The following USP15 variants were observed in gnomAD, a reference collection of about 807,000 sequenced individuals.
The protein encoded by USP15 is ubiquitin specific peptidase 15.
Under a neutral mutation model 127.1 loss-of-function variants are expected in USP15, and 18 were observed. The observed-to-expected ratio is 0.14, with a 90% CI of 0.10 to 0.21. The LOEUF (loss-of-function observed/expected upper bound fraction) is 0.21, where lower values mean the gene tolerates loss of function less well. USP15 is among the 10% of genes least tolerant of loss of function. The probability of loss-of-function intolerance (pLI) is 1.00; values close to 1 mark genes in which losing one functional copy is unlikely to be tolerated. For synonymous variants in USP15, 364 were observed against 393.7 expected (o/e 0.92, Z 0.89); for missense variants, 805 against 1,159.9 (o/e 0.69, Z 4.44).
At chr12:62,377,768 A>G (rs1259194182) in intron 8 of USP15, among the ~76,000 whole-genome samples, 1 of 151,004 alleles carries the variant, frequency 6.6e-6, no homozygotes, top group African/African-American at 2.4e-5. Flanking sequence ...TGCCAGAATG[A>G]TGACATTGAA....
At chr12:62,340,977 T>TA (rs1555215211) in intron 6 of USP15, among the ~76,000 whole-genome samples, 1 of 152,194 alleles carries the variant, frequency 6.6e-6, no homozygotes, top group Admixed American at 6.5e-5. Context: ...AGTAGGGTGT[T>TA]AAAGAGTCCC....
At chr12:62,337,971 T>C (rs1420656183) in intron 6 of USP15, among the ~76,000 whole-genome samples, 1 of 152,172 alleles carries the variant, frequency 6.6e-6, no homozygotes, top group Non-Finnish European at 1.5e-5. Context: ...AGTAGAATGG[T>C]TTATAATCCT....
chr12:62,314,367 G>T (rs1237171111), intron 3 of USP15, among the ~76,000 whole-genome samples: 1 of 151,720 alleles, frequency 6.6e-6, no homozygotes, highest in African/African-American at 2.4e-5. Flanking sequence ...AAGCTAAGAA[G>T]TATGTTTGTA....
intron 3 of USP15, among the ~76,000 whole-genome samples, chr12:62,312,070 C>T (rs2064695587): frequency 6.6e-6 from 1 of 151,726 alleles, no homozygotes; most frequent in Non-Finnish European, 1.5e-5. Context: ...TATTTATCTA[C>T]TTCTCTGTCT....
At chr12:62,381,713 G>A (rs1300000947) in intron 9 of USP15, 50 bp downstream of exon 9, 2 of 1,566,218 alleles carry the variant, frequency 1.3e-6, no homozygotes, top group South Asian at 1.2e-5. Context: ...GGGTACAAAA[G>A]TTGGTTCTTG....
intron 21 of USP15, among the ~76,000 whole-genome samples, chr12:62,401,479 A>G (rs1390572958): frequency 2.6e-5 from 4 of 152,046 alleles, no homozygotes; most frequent in African/African-American, 4.8e-5. Flanking sequence ...TAACAAAAGC[A>G]TAAATTGCAA....
At chr12:62,385,555 A>G (rs7969077) in intron 11 of USP15, among the ~76,000 whole-genome samples, 60,394 of 151,864 alleles carry the variant, frequency 0.4, 12,561 homozygotes, top group East Asian at 0.55. Flanking sequence ...TTATGAACTC[A>G]TTGAACACAA....
At chr12:62,306,565 G>A (rs1289207947) in intron 3 of USP15, among the ~76,000 whole-genome samples, 1 of 152,098 alleles carries the variant, frequency 6.6e-6, no homozygotes, top group Non-Finnish European at 1.5e-5. Flanking sequence ...GTTAAAGATA[G>A]TATTTAATGA....
At chr12:62,335,123 T>G in intron 6 of USP15, 1 of 1,527,410 alleles carries the variant, frequency 6.5e-7, no homozygotes, top group African/African-American at 1.4e-5. Flanking sequence ...GATGTCTAGT[T>G]AATGTATGAT....
intron 5 of USP15, among the ~76,000 whole-genome samples, chr12:62,325,184 G>A (rs915557569): frequency 3.9e-5 from 6 of 151,956 alleles, no homozygotes; most frequent in African/African-American, 1.4e-4. Flanking sequence ...ATTTTCGGGT[G>A]TTTTAAAATA....
At chr12:62,364,191 T>G (rs1231516962) in intron 8 of USP15, among the ~76,000 whole-genome samples, 1 of 152,098 alleles carries the variant, frequency 6.6e-6, no homozygotes, top group Non-Finnish European at 1.5e-5. Flanking sequence ...GGAATGAGAC[T>G]TCGTTTGCAA....
At chr12:62,396,810 T>C (rs1263954782) in intron 20 of USP15, among the ~76,000 whole-genome samples, 1 of 152,230 alleles carries the variant, frequency 6.6e-6, no homozygotes, top group Admixed American at 6.5e-5. Context: ...GTCCATTTAG[T>C]CAGTTGTTTC....
intron 6 of USP15, among the ~76,000 whole-genome samples, chr12:62,332,439 G>A (rs1483018730): frequency 1.3e-5 from 2 of 151,254 alleles, no homozygotes; most frequent in Non-Finnish European, 2.9e-5. Context: ...AGCATTGGGT[G>A]GATAATCTAG....
intron 19 of USP15, among the ~76,000 whole-genome samples, chr12:62,396,019 C>G (rs1287643793): frequency 6.6e-6 from 1 of 152,004 alleles, no homozygotes; most frequent in Non-Finnish European, 1.5e-5. Flanking sequence ...GTGCAGATAT[C>G]TCTTCAGTAT....
intron 3 of USP15, 42 bp downstream of exon 3, chr12:62,302,962 G>C: frequency 6.4e-7 from 1 of 1,571,770 alleles, no homozygotes; most frequent in African/African-American, 1.4e-5. Context: ...TATTTTTCTT[G>C]ATTAGTTCAC....
At chr12:62,306,940 A>G (rs2064502274) in intron 3 of USP15, among the ~76,000 whole-genome samples, 2 of 152,274 alleles carry the variant, frequency 1.3e-5, no homozygotes, top group African/African-American at 4.8e-5. Flanking sequence ...GTCAGTAGTA[A>G]TATTAATTAA....
At chr12:62,394,899 A>G (rs1233392157) in intron 19 of USP15, among the ~76,000 whole-genome samples, 1 of 152,022 alleles carries the variant, frequency 6.6e-6, no homozygotes, top group Non-Finnish European at 1.5e-5. Context: ...AGAATCTATC[A>G]GAGATGTATT....
At chr12:62,332,816 T>C (rs2065345304) in intron 6 of USP15, among the ~76,000 whole-genome samples, 1 of 128,742 alleles carries the variant, frequency 7.8e-6, no homozygotes, top group Admixed American at 8.2e-5. Flanking sequence ...ATTAAGGGAA[T>C]TCCAAATTGA....
At chr12:62,362,091 C>T (rs1185316759) in intron 8 of USP15, among the ~76,000 whole-genome samples, 1 of 151,916 alleles carries the variant, frequency 6.6e-6, no homozygotes, top group Non-Finnish European at 1.5e-5. Context: ...ATCTCTATTC[C>T]ACTAATGAGG....
Sources: allele counts gnomAD v4.1 joint callset (sites outside exome capture counted in the v4.1 genomes callset), GRCh38; gene constraint gnomAD v4.1.1; transcripts MANE v1.5; gene names NCBI Gene and HGNC (gene_info 2026-07-23, HGNC 2026-07-21).